TOP1: variants seen among roughly 807,000 people sequenced by gnomAD.
The protein encoded by TOP1 is DNA topoisomerase I.
A neutral mutation model predicts 111.1 loss-of-function variants in TOP1; 10 were observed. The observed-to-expected ratio is 0.09, with a 90% CI of 0.06 to 0.15. The LOEUF (loss-of-function observed/expected upper bound fraction) is 0.15. Among genes scored for constraint, TOP1 ranks in the 10% least tolerant of loss-of-function variants. The pLI, the probability that TOP1 is intolerant of heterozygous loss-of-function variation, is 1.00. For missense variants in TOP1, 474 were observed against 926.7 expected, an observed-to-expected ratio of 0.51 and a Z score of 6.34; for synonymous variants, 271 against 302.9, an observed-to-expected ratio of 0.89 and a Z score of 1.10.
chr20:41,080,321 AT>A lies in TOP1; in HGVS notation c.431+144del, dbSNP rs1227483314. 1 of 560,188 alleles carries A rather than the reference AT, an allele frequency of 1.8e-6. No individual in the cohort carries two copies. The highest frequency in any genetic ancestry group is 3.1e-5 in the East Asian group (1 of 31,964). 34.7% of individuals were successfully genotyped at this position (560,188 alleles called of 1,614,324 possible). Reference sequence around the variant, plus strand: ...TTTGGAATTTGTGATTAATGGACTGATTTCTCTGAACTATGAGAAGTAGAGT... The same window carrying A: ...TTTGGAATTTGTGATTAATGGACTGATTCTCTGAACTATGAGAAGTAGAGT... On this transcript the variant is annotated intron_variant, in intron 6 of 20. Coordinates refer to ENST00000361337, the MANE Select transcript of TOP1 (RefSeq NM_003286.4). This position sits in a 1 kb window ranked among gnomAD's most constrained non-coding sequence, Gnocchi z 5.0.
At position 41,034,820 on chromosome 20, in the gene TOP1, C is replaced by T. The variant is rs911120816; in HGVS notation, c.58+5365C>T. Among the ~76,000 whole-genome samples, 4 of 151,582 alleles carry T rather than the reference C, an allele frequency of 2.6e-5. No homozygotes were observed. The highest frequency in any genetic ancestry group is 9.7e-5 in the African/African-American group (4 of 41,178). ...TATGTGTGTCATTTATGTCTCTTAA[C>T]GTTTAGTAAGAAAGAAATTCCAAGG... On this transcript the variant is annotated intron_variant, in intron 2 of 20. Transcript: ENST00000361337. The surrounding 1 kb of genome is among the most constrained non-coding windows in gnomAD (Gnocchi z 4.0).
chr20:41,058,868 A>G lies in TOP1; in HGVS notation c.59-2526A>G, dbSNP rs2033507386. Among the ~76,000 whole-genome samples the G allele has an allele frequency of 6.6e-6, 1 of 152,212 alleles. No homozygotes were observed. The highest frequency in any genetic ancestry group is 2.4e-5 in the African/African-American group (1 of 41,452). On this transcript the variant is annotated intron_variant, in intron 2 of 20. Coordinates refer to ENST00000361337, the MANE Select transcript of TOP1 (RefSeq NM_003286.4). This position sits in a 1 kb window ranked among gnomAD's most constrained non-coding sequence, Gnocchi z 4.2. ...TAATGGGGAAAGGGCCATCTTTTAA[A>G]AAATAATGCTAGGCTATTCACAGTA...
At chr20:41,093,615 A>G (rs562247713) in intron 9 of TOP1, among the ~76,000 whole-genome samples, 1 of 151,932 alleles carries the variant, frequency 6.6e-6, no homozygotes, top group East Asian at 1.9e-4. Context: ...CTTCTCACCC[A>G]TCCCACCGCC....
At chr20:41,036,265 T>C (rs898496953) in intron 2 of TOP1, among the ~76,000 whole-genome samples, 18 of 152,204 alleles carry the variant, frequency 1.2e-4, no homozygotes, top group African/African-American at 4.3e-4. Context: ...GATTATCTGC[T>C]GTTAGAGATA....
chr20:41,087,332 A>G (rs2033861259), intron 8 of TOP1, among the ~76,000 whole-genome samples: 1 of 152,260 alleles, frequency 6.6e-6, no homozygotes, highest in African/African-American at 2.4e-5. Context: ...GTAGCTGAAC[A>G]GGGTTTCAGC....
Position 41,081,160 on chromosome 20 carries a change from T to A in TOP1, c.432-5T>A, listed in dbSNP as rs113366815. ...TTAACTGTGTATTCATGTTCCCCTT[T>A]CTAGTGCTGATTATAAACCTAAGAA... On this transcript the variant is annotated splice_region_variant and splice_polypyrimidine_tract_variant and intron_variant, in intron 6 of 20. Coordinates refer to ENST00000361337, the MANE Select transcript of TOP1 (RefSeq NM_003286.4). 6.3e-7 allele frequency: 1 copy of A among 1,594,034 alleles called. No individual in the cohort carries two copies. The highest frequency in any genetic ancestry group is 1.1e-5 in the South Asian group (1 of 88,654).
At chr20:41,047,352 A>G (rs2033346959) in intron 2 of TOP1, among the ~76,000 whole-genome samples, 2 of 152,222 alleles carry the variant, frequency 1.3e-5, no homozygotes, top group Non-Finnish European at 2.9e-5. Flanking sequence ...AATACTTAAC[A>G]CTGTGTTACA....
rs1017455234 is a variant in TOP1, at chr20:41,118,616, A to G, written c.1950+320A>G. 1.3e-5 allele frequency among the ~76,000 whole-genome samples: 2 copies of G among 152,366 alleles called. No homozygotes were observed. ...GTACATGAGGAAAGTGGATTTAAAGAGAGTCTTCATAATTCCTTGCTACAG... is the reference window on the plus strand; with the variant it reads ...GTACATGAGGAAAGTGGATTTAAAGGGAGTCTTCATAATTCCTTGCTACAG... On this transcript the variant is annotated intron_variant, in intron 18 of 20. Transcript: ENST00000361337. The surrounding 1 kb of genome is among the most constrained non-coding windows in gnomAD (Gnocchi z 4.6).
At chr20:41,088,491 A>C (rs1415039900) in intron 8 of TOP1, among the ~76,000 whole-genome samples, 3 of 152,196 alleles carry the variant, frequency 2.0e-5, no homozygotes, top group African/African-American at 7.2e-5. Context: ...CGACAGAGCG[A>C]GACTCTGTCT....
At position 41,028,881 on chromosome 20, in the gene TOP1, AG is replaced by A. The variant is rs2033074915; in HGVS notation, c.-186del. On this transcript the variant is annotated 5_prime_UTR_variant, in exon 1 of 21. Coordinates refer to ENST00000361337, the MANE Select transcript of TOP1 (RefSeq NM_003286.4). ...GGTCTGTTCTCGCCGCCCGCCCGGC[AG>A]TCAGGCAGCGTCGCCGCCGTGGTAG... The A allele has an allele frequency of 1.8e-6, 1 of 562,310 alleles. No homozygotes were observed. The highest frequency in any genetic ancestry group is 3.4e-5 in the East Asian group (1 of 29,188). 34.8% of individuals were successfully genotyped at this position (562,310 alleles called of 1,614,324 possible).
rs1038709692 is a variant in TOP1 at position 41,067,058 on chromosome 20, T to C, written c.155+5568T>C. Reference sequence around the variant, plus strand: ...AACTTTTAAGTACTTCTTGTTTTGATGTCTACTGACACAGTACCTCTTTGC... The same window carrying C: ...AACTTTTAAGTACTTCTTGTTTTGACGTCTACTGACACAGTACCTCTTTGC... On this transcript the variant is annotated intron_variant, in intron 3 of 20. Transcript: ENST00000361337. This position sits in a 1 kb window ranked among gnomAD's most constrained non-coding sequence, Gnocchi z 4.0. Among the ~76,000 whole-genome samples, 1 of 152,234 alleles carries C rather than the reference T, an allele frequency of 6.6e-6. No individual in the cohort carries two copies. The highest frequency in any genetic ancestry group is 2.4e-5 in the African/African-American group (1 of 41,464).
Position 41,121,884 on chromosome 20 carries a change from G to A in TOP1, c.2045+94G>A. ...GGGCCCTGGCTTTTCGATGGTTTCT[G>A]AGAAATGTCTTTTGGAAATCTCTAT... On this transcript the variant is annotated intron_variant, in intron 19 of 20. Coordinates refer to ENST00000361337, the MANE Select transcript of TOP1 (RefSeq NM_003286.4). This position sits in a 1 kb window ranked among gnomAD's most constrained non-coding sequence, Gnocchi z 4.2. 6.4e-7 allele frequency: 1 copy of A among 1,556,686 alleles called. No individual in the cohort carries two copies. The highest frequency in any genetic ancestry group is 1.1e-5 in the South Asian group (1 of 87,082).
chr20:41,121,612 C>G lies in TOP1; in HGVS notation c.1951-84C>G. On this transcript the variant is annotated intron_variant, in intron 18 of 20. Coordinates refer to ENST00000361337, the MANE Select transcript of TOP1 (RefSeq NM_003286.4). The surrounding 1 kb of genome is among the most constrained non-coding windows in gnomAD (Gnocchi z 4.2). ...AAACCACTGACAGAGACAGCCTGGT[C>G]CAGATAACATCTTGGTTTCACCTTC... is the stretch of plus-strand genomic sequence containing the variant. The G allele has an allele frequency of 1.9e-6, 2 of 1,044,198 alleles. No homozygotes were observed. Among genetic ancestry groups the G allele is most frequent in the Non-Finnish European group, 3.0e-6 (2 of 665,010 alleles). 64.7% of individuals were successfully genotyped at this position (1,044,198 alleles called of 1,614,324 possible).
In TOP1 at chr20:41,080,649, T is replaced by G. The variant is rs1395762363; in HGVS notation, c.431+469T>G. Among the ~76,000 whole-genome samples, 2 of 152,138 alleles carry G rather than the reference T, an allele frequency of 1.3e-5. No individual in the cohort carries two copies. The highest frequency in any genetic ancestry group is 4.8e-5 in the African/African-American group (2 of 41,426). On this transcript the variant is annotated intron_variant, in intron 6 of 20. Coordinates refer to ENST00000361337, the MANE Select transcript of TOP1 (RefSeq NM_003286.4). The surrounding 1 kb of genome is among the most constrained non-coding windows in gnomAD (Gnocchi z 5.0). ...CCAGATTCAATGAGATTAAATTATA[T>G]TCATTATTTTCACTCTTATATAGCT... is the stretch of plus-strand genomic sequence containing the variant.
In TOP1 at chr20:41,094,551, C is replaced by T. The variant is rs568245081; in HGVS notation, c.730+1964C>T. The stretch of plus-strand genomic sequence containing the variant: ...GTTCACAGGTTGCCATAGTCCTTTC[C>T]TCCCATTCTTGCCCAGTCCTCCTTT... On this transcript the variant is annotated intron_variant, in intron 9 of 20. Coordinates refer to ENST00000361337, the MANE Select transcript of TOP1 (RefSeq NM_003286.4). The surrounding 1 kb of genome is among the most constrained non-coding windows in gnomAD (Gnocchi z 4.4). 2.0e-5 allele frequency among the ~76,000 whole-genome samples: 3 copies of T among 152,298 alleles called. No individual in the cohort carries two copies. The highest frequency in any genetic ancestry group is 4.1e-4 in the South Asian group (2 of 4,824).
Position 41,081,252 on chromosome 20 carries a change from G to T in TOP1, c.507+12G>T. The T allele has an allele frequency of 1.9e-6, 3 of 1,594,878 alleles. No homozygotes were observed. The highest frequency in any genetic ancestry group is 2.3e-5 in the South Asian group (2 of 87,850). On this transcript the variant is annotated intron_variant, in intron 7 of 20. Coordinates refer to ENST00000361337, the MANE Select transcript of TOP1 (RefSeq NM_003286.4). ...TAGAAGAAGAAGAGGTTAGTAAAGAGACTTAGGTCCTTTGGGGCTTGAGTT... is the reference window on the plus strand; with the variant it reads ...TAGAAGAAGAAGAGGTTAGTAAAGATACTTAGGTCCTTTGGGGCTTGAGTT...
rs543410171 is a variant in TOP1 at position 41,101,420 on chromosome 20, G to A, written c.1308+67G>A. On this transcript the variant is annotated intron_variant, in intron 13 of 20. Transcript: ENST00000361337. The surrounding 1 kb of genome is among the most constrained non-coding windows in gnomAD (Gnocchi z 4.1). ...TAACCTTTTTTTGTTGAAATGTAAC[G>A]TTCTCGTCCTCTAGAATCACTTTGA... 89 of 1,490,110 alleles carry A rather than the reference G, an allele frequency of 6.0e-5. No homozygotes were observed. The highest frequency in any genetic ancestry group is 1.8e-4 in the African/African-American group (13 of 71,678). 92.3% of individuals were successfully genotyped at this position (1,490,110 alleles called of 1,614,324 possible). A position where few individuals can be genotyped will look rare whatever the true frequency, so the allele number is the denominator to read the frequency against.
Position 41,081,219 on chromosome 20 carries a change from A to G in TOP1, c.486A>G (p.Lys162=). The change falls in exon 7 of 21, where the codon AAA becomes AAG. Residue 162 remains lysine, a synonymous_variant. Coordinates refer to ENST00000361337, the MANE Select transcript of TOP1 (RefSeq NM_003286.4). ...IKTEDTKKEK[K]RKLEEEEDGK... is the part of the protein sequence containing the mutation. ...CAGAAGATACCAAGAAGGAGAAGAA[A>G]AGAAAACTAGAAGAAGAAGAGGTTA... 6.2e-7 allele frequency: 1 copy of G among 1,605,978 alleles called. No homozygotes were observed.
At position 41,098,541 on chromosome 20, in the gene TOP1, CTGTACAGGAATCT is replaced by C. The variant is rs1303124643; in HGVS notation, c.975+207_975+219del. 2 of 528,230 alleles carry C rather than the reference CTGTACAGGAATCT, an allele frequency of 3.8e-6. No individual in the cohort carries two copies. Among genetic ancestry groups the C allele is most frequent in the Non-Finnish European group, 6.5e-6 (2 of 306,036 alleles). The allele number at this position is 528,230 out of a possible 1,614,324, so 32.7% of individuals were successfully genotyped here. On this transcript the variant is annotated intron_variant, in intron 11 of 20. Coordinates refer to ENST00000361337, the MANE Select transcript of TOP1 (RefSeq NM_003286.4). This position sits in a 1 kb window ranked among gnomAD's most constrained non-coding sequence, Gnocchi z 5.7. ...TGAACAAGTACTTTGCTCAGTAGCT[CTGTACAGGAATCT>C]TGGTGCTTCAGTGACCTAAAAACCA...
Sources: gnomAD v4.1 joint callset for allele counts (sites outside exome capture counted in the v4.1 genomes callset) on GRCh38, gnomAD v4.1.1 for gene constraint, Gnocchi (gnomAD v3.1) non-coding constraint, MANE v1.5 for transcripts, NCBI Gene and HGNC (gene_info 2026-07-23, HGNC 2026-07-21) for gene names.